The following KCNK9 variants were observed in gnomAD, a reference collection of about 807,000 sequenced individuals.
KCNK9 encodes potassium channel subfamily K member 9.
Under a neutral mutation model 10.8 loss-of-function variants are expected in KCNK9, and 1 was observed. The ratio of observed to expected loss-of-function variants is 0.09; its 90% CI spans 0.03 to 0.44. The LOEUF is 0.44. KCNK9 is among the 20% of genes least tolerant of loss of function. KCNK9 has a pLI of 0.97. For missense variants in KCNK9, 303 were observed against 515.0 expected (o/e 0.59, Z 3.98); for synonymous variants, 231 against 222.7 (o/e 1.04, Z -0.33).
At chr8:139,637,325 C>T (rs555094772) in intron 1 of KCNK9, among the ~76,000 whole-genome samples, 2 of 152,290 alleles carry the variant, frequency 1.3e-5, no homozygotes, top group African/African-American at 4.8e-5. Flanking sequence ...CAGCCAACTA[C>T]TAAGGTGACC....
intron 1 of KCNK9, among the ~76,000 whole-genome samples, chr8:139,695,491 CA>C (rs1410236330): frequency 5.3e-5 from 8 of 152,238 alleles, no homozygotes; most frequent in African/African-American, 1.9e-4. Flanking sequence ...TTTGGAGGAT[CA>C]TAAGCTACAC....
intron 1 of KCNK9, among the ~76,000 whole-genome samples, chr8:139,625,400 A>G (rs1226381673): frequency 6.6e-6 from 1 of 152,230 alleles, no homozygotes; most frequent in African/African-American, 2.4e-5. Flanking sequence ...ACCTTGGGCC[A>G]GACCGTGAGC....
In KCNK9 at chr8:139,618,178, T is replaced by G; in HGVS notation, c.*80A>C. On this transcript the variant is annotated 3_prime_UTR_variant, in exon 2 of 2. Transcript: ENST00000520439. The surrounding 1 kb of genome is among the most constrained non-coding windows in gnomAD (Gnocchi z 7.9). ...GATGACAATAATAATAATAAATAAA[T>G]AAGAAAAGACGAGTTGGACCAATGG... 1 of 1,537,416 alleles carries G rather than the reference T, an allele frequency of 6.5e-7. No homozygotes were observed. Among genetic ancestry groups the G allele is most frequent in the Non-Finnish European group, 8.9e-7 (1 of 1,117,420 alleles).
At chr8:139,639,285 C>T (rs959655341) in intron 1 of KCNK9, among the ~76,000 whole-genome samples, 1 of 152,234 alleles carries the variant, frequency 6.6e-6, no homozygotes, top group African/African-American at 2.4e-5. Context: ...AGCATCATCC[C>T]CATTTTGCAG....
At chr8:139,692,625 T>C (rs1175240622) in intron 1 of KCNK9, among the ~76,000 whole-genome samples, 1 of 152,190 alleles carries the variant, frequency 6.6e-6, no homozygotes, top group African/African-American at 2.4e-5. Context: ...AAGTTCTCTC[T>C]GGGAAACCGC....
chr8:139,604,415 C>T lies in KCNK9; in HGVS notation c.*1-2814G>A, dbSNP rs112228207. Among the ~76,000 whole-genome samples, 130 of 152,028 alleles carry T rather than the reference C, an allele frequency of 8.6e-4. 2 individuals carry two copies. Among genetic ancestry groups the T allele is most frequent in the African/African-American group, 2.7e-3 (113 of 41,452 alleles). ...ACATCTGAGCAGAGACACTGTGGGA[C>T]GGGAGGAGGTGGGGTGAAAAGAGCT... On this transcript the variant is annotated intron_variant, in intron 2 of 2. Transcript: ENST00000650269.
At chr8:139,631,747 A>T (rs1190989806) in intron 1 of KCNK9, among the ~76,000 whole-genome samples, 2 of 152,290 alleles carry the variant, frequency 1.3e-5, no homozygotes, top group African/African-American at 4.8e-5. Flanking sequence ...AATGTGGCTG[A>T]CTTTTGAAAA....
chr8:139,619,107 A>T lies in KCNK9; in HGVS notation c.284-8T>A, dbSNP rs1359002638. On this transcript the variant is annotated splice_polypyrimidine_tract_variant and splice_region_variant and intron_variant, in intron 1 of 1. Coordinates refer to ENST00000520439, the MANE Select transcript of KCNK9 (RefSeq NM_001282534.2). ...GTGCAGCGTGCCCATAACCTGTGGG[A>T]AGGGGATGAGAAGAACAGAGAGAGC... The T allele has an allele frequency of 1.2e-6, 2 of 1,613,742 alleles. No individual in the cohort carries two copies. Among genetic ancestry groups the T allele is most frequent in the Non-Finnish European group, 1.7e-6 (2 of 1,179,962 alleles).
At chr8:139,640,706 A>C (rs1255825046) in intron 1 of KCNK9, among the ~76,000 whole-genome samples, 2 of 152,258 alleles carry the variant, frequency 1.3e-5, no homozygotes, top group Non-Finnish European at 2.9e-5. Flanking sequence ...GCTCTGAGTG[A>C]AATTCAGGAG....
At chr8:139,625,311 C>T (rs1814936012) in intron 1 of KCNK9, among the ~76,000 whole-genome samples, 1 of 152,160 alleles carries the variant, frequency 6.6e-6, no homozygotes, top group African/African-American at 2.4e-5. Context: ...GCTGGGGGCT[C>T]CCAGGACAGC....
chr8:139,621,777 G>A (rs1472365398), intron 1 of KCNK9, among the ~76,000 whole-genome samples: 1 of 152,178 alleles, frequency 6.6e-6, no homozygotes, highest in African/African-American at 2.4e-5. Flanking sequence ...AAAGATGCAG[G>A]GGTGGGAATC....
downstream of KCNK9, chr8:139,616,741 A>G (rs534996123): frequency 6.6e-6 from 1 of 152,312 alleles, no homozygotes; most frequent in Admixed American, 6.5e-5. Context: ...CATGAACTTC[A>G]TTTACAAAAG....
At chr8:139,631,512 G>A (rs1815170242) in intron 1 of KCNK9, among the ~76,000 whole-genome samples, 1 of 152,160 alleles carries the variant, frequency 6.6e-6, no homozygotes, top group Non-Finnish European at 1.5e-5. Context: ...TGCAGGCTGG[G>A]CGCCCACACC....
chr8:139,630,370 C>A (rs1326850476), intron 1 of KCNK9, among the ~76,000 whole-genome samples: 2 of 152,168 alleles, frequency 1.3e-5, no homozygotes. Context: ...CCTGGAAATG[C>A]TCTGCAGAGT....
chr8:139,621,785 A>T (rs1814789306), intron 1 of KCNK9, among the ~76,000 whole-genome samples: 1 of 152,206 alleles, frequency 6.6e-6, no homozygotes, highest in African/African-American at 2.4e-5. Flanking sequence ...AGGGGTGGGA[A>T]TCCTACTATA....
intron 1 of KCNK9, among the ~76,000 whole-genome samples, chr8:139,685,485 A>G (rs373833445): frequency 6.6e-6 from 1 of 152,024 alleles, no homozygotes; most frequent in Non-Finnish European, 1.5e-5. Flanking sequence ...CCCTGTGTCC[A>G]TGTGTTCTCA....
chr8:139,700,485 TACACACAC>T lies in KCNK9; in HGVS notation c.283+2217_283+2224del, dbSNP rs374444340. ...GAGCTGTCTTTTATTCACATACACATACACACACACACACACACACACACGCGCGCGCG... is the reference window on the plus strand; with the variant it reads ...GAGCTGTCTTTTATTCACATACACATACACACACACACACACGCGCGCGCG... On this transcript the variant is annotated intron_variant, in intron 1 of 1. Coordinates refer to ENST00000520439, the MANE Select transcript of KCNK9 (RefSeq NM_001282534.2). Among the ~76,000 whole-genome samples, 8 of 142,872 alleles carry T rather than the reference TACACACAC, an allele frequency of 5.6e-5. No homozygotes were observed. The South Asian group carries it at 1.4e-3, about 25-fold the overall frequency. 93.7% of individuals were successfully genotyped at this position (142,872 alleles called of 152,430 possible).
rs562562968 is a variant in KCNK9, at chr8:139,630,904, G to A, written c.284-11805C>T. Among the ~76,000 whole-genome samples the A allele has an allele frequency of 2.5e-3, 377 of 152,366 alleles. 4 individuals are homozygous for A. Among genetic ancestry groups the A allele is most frequent in the African/African-American group, 8.0e-3 (332 of 41,596 alleles). Reference sequence around the variant, plus strand: ...TGGAGGTCATCCATCCCCCAAGTAAGTCTGCTTTTGAAAGAGGCTCCTAGA... The same window carrying A: ...TGGAGGTCATCCATCCCCCAAGTAAATCTGCTTTTGAAAGAGGCTCCTAGA... On this transcript the variant is annotated intron_variant, in intron 1 of 1. Coordinates refer to ENST00000520439, the MANE Select transcript of KCNK9 (RefSeq NM_001282534.2).
chr8:139,615,220 A>G (rs145903782), downstream of KCNK9, among the ~76,000 whole-genome samples: 253 of 152,230 alleles, frequency 1.7e-3, 3 homozygotes, highest in African/African-American at 5.8e-3. Context: ...AAGACCTAGA[A>G]TCCTCTCTCT....
Sources: gnomAD v4.1 joint callset for allele counts (sites outside exome capture counted in the v4.1 genomes callset) on GRCh38, gnomAD v4.1.1 for gene constraint, Gnocchi (gnomAD v3.1) non-coding constraint, MANE v1.5 for transcripts, NCBI Gene and HGNC (gene_info 2026-07-23, HGNC 2026-07-21) for gene names.